Variants in POU2F1 observed in about 807,000 individuals in gnomAD.
POU2F1 encodes POU class 2 homeobox 1.
POU2F1 carries 16 observed loss-of-function variants against 84.9 expected under a neutral mutation model. The observed-to-expected ratio is 0.19, with a 90% confidence interval of 0.13 to 0.29. The LOEUF (loss-of-function observed/expected upper bound fraction) is 0.29. Ranked by LOEUF, POU2F1 falls within the 10% of genes least tolerant of loss-of-function variation. POU2F1 has a pLI of 1.00. For missense variants in POU2F1, 738 were observed against 942.6 expected (o/e 0.78, Z 2.84); for synonymous variants, 368 against 368.3 (o/e 1.00, Z 0.01).
intron 2 of POU2F1, 88 bp downstream of exon 2, chr1:167,332,623 A>C (rs1657149750): frequency 1.0e-6 from 1 of 994,634 alleles, no homozygotes; most frequent in Non-Finnish European, 1.5e-6. Flanking sequence ...GTATTTGGCA[A>C]ATACAGACCA....
At chr1:167,232,924 C>G (rs148323888) in intron 1 of POU2F1, among the ~76,000 whole-genome samples, 4 of 151,746 alleles carry the variant, frequency 2.6e-5, no homozygotes, top group African/African-American at 9.7e-5. Context: ...TTTAGTGTAG[C>G]CTAAGTATAT....
Position 167,304,444 on chromosome 1 carries a change from G to A in POU2F1, c.62-28026G>A, listed in dbSNP as rs576023044. ...AAACCTAGTTCTGTGTTCTTTCAAA[G>A]CACGTTACTAAACTGTTTAGCCTGC... On this transcript the variant is annotated intron_variant, in intron 1 of 15. Transcript: ENST00000367866. Among the ~76,000 whole-genome samples the A allele has an allele frequency of 2.6e-5, 4 of 152,256 alleles. No homozygotes were observed. The South Asian group carries it at 8.3e-4, about 32-fold the overall frequency.
intron 2 of POU2F1, among the ~76,000 whole-genome samples, chr1:167,357,827 C>CA (rs1372014583): frequency 8.5e-6 from 1 of 118,134 alleles, no homozygotes; most frequent in African/African-American, 3.3e-5. Flanking sequence ...TTTTTTGAGA[C>CA]AGAGTCTCAC....
chr1:167,360,955 T>C (rs1659317145), intron 2 of POU2F1, among the ~76,000 whole-genome samples: 1 of 152,010 alleles, frequency 6.6e-6, no homozygotes, highest in African/African-American at 2.4e-5. Flanking sequence ...TTTTATTTTA[T>C]TTTTTATTTT....
intron 1 of POU2F1, among the ~76,000 whole-genome samples, chr1:167,240,693 T>C (rs1649834310): frequency 6.6e-6 from 1 of 152,198 alleles, no homozygotes; most frequent in South Asian, 2.1e-4. Context: ...CATAAACATA[T>C]TTAATATATG....
chr1:167,408,346 G>C (rs953277785), intron 13 of POU2F1, among the ~76,000 whole-genome samples: 3 of 152,078 alleles, frequency 2.0e-5, no homozygotes, highest in Non-Finnish European at 4.4e-5. Flanking sequence ...TAAATTTACC[G>C]TCCTACCCAG....
chr1:167,416,101 A>G lies in POU2F1; in HGVS notation c.*291A>G, dbSNP rs765099139. On this transcript the variant is annotated 3_prime_UTR_variant, in exon 16 of 16. Transcript: ENST00000367866. ...TAACCAAAAATTAAAAAAAAAAAAA[A>G]AAAAAGAAACAAAAAAATCAAAAAC... 5.5e-6 allele frequency: 3 copies of G among 550,262 alleles called. No individual in the cohort carries two copies. Among genetic ancestry groups the G allele is most frequent in the Non-Finnish European group, 1.0e-5 (3 of 300,818 alleles). The allele number at this position is 550,262 out of a possible 1,614,324, so 34.1% of individuals were successfully genotyped here.
At chr1:167,397,967 A>G in intron 10 of POU2F1, 27 bp from the exon 11 acceptor site, 1 of 1,593,384 alleles carries the variant, frequency 6.3e-7, no homozygotes, top group Non-Finnish European at 8.5e-7. Context: ...AGCTAATTTT[A>G]TTTCTGTATT....
chr1:167,393,633 G>C (rs1648585604), intron 9 of POU2F1, among the ~76,000 whole-genome samples: 1 of 152,024 alleles, frequency 6.6e-6, no homozygotes, highest in Non-Finnish European at 1.5e-5. Context: ...CAAGTATCTG[G>C]GACTACAGGC....
chr1:167,329,023 C>T (rs1656896255), intron 1 of POU2F1: 2 of 1,123,030 alleles, frequency 1.8e-6, no homozygotes, highest in Non-Finnish European at 2.2e-6. Context: ...CAATGTCAGT[C>T]CTAGCTGGTA....
At chr1:167,330,231 A>G (rs1047566605) in intron 1 of POU2F1, among the ~76,000 whole-genome samples, 1 of 152,092 alleles carries the variant, frequency 6.6e-6, no homozygotes, top group Non-Finnish European at 1.5e-5. Flanking sequence ...CTTTTTTCCT[A>G]TATTGTCATT....
Position 167,415,936 on chromosome 1 carries a change from A to C in POU2F1, c.*126A>C. ...CCGTGTTGTGAGGGCAAAGGAGAGA[A>C]GGGAGAAAAAAAAAAAAAAACCACA... On this transcript the variant is annotated 3_prime_UTR_variant, in exon 16 of 16. Transcript: ENST00000367866. The C allele has an allele frequency of 2.0e-6, 1 of 495,224 alleles. No homozygotes were observed. 30.7% of individuals were successfully genotyped at this position (495,224 alleles called of 1,614,324 possible).
chr1:167,366,654 G>A (rs1381301541), intron 3 of POU2F1, among the ~76,000 whole-genome samples: 1 of 152,002 alleles, frequency 6.6e-6, no homozygotes, highest in Non-Finnish European at 1.5e-5. Context: ...ACATAGCTTC[G>A]TTTATATCTT....
intron 1 of POU2F1, among the ~76,000 whole-genome samples, chr1:167,303,896 G>C (rs996955821): frequency 2.0e-5 from 3 of 152,074 alleles, no homozygotes; most frequent in African/African-American, 7.2e-5. Context: ...TTTATTCTGT[G>C]ATGATATATC....
At chr1:167,401,097 C>T (rs534534404) in intron 12 of POU2F1, among the ~76,000 whole-genome samples, 4 of 152,202 alleles carry the variant, frequency 2.6e-5, no homozygotes, top group African/African-American at 9.6e-5. Flanking sequence ...AAACCTAAGG[C>T]AATACTGCCC....
chr1:167,419,716 A>T lies in POU2F1; in HGVS notation c.*3906A>T, dbSNP rs767881344. 3.9e-5 allele frequency: 6 copies of T among 152,186 alleles called. No homozygotes were observed. The highest frequency in any genetic ancestry group is 7.3e-5 in the Non-Finnish European group (5 of 68,036). The allele number at this position is 152,186 out of a possible 1,614,324, so 9.4% of individuals were successfully genotyped here. A position where few individuals can be genotyped will look rare whatever the true frequency, so the allele number is the denominator to read the frequency against. The stretch of plus-strand genomic sequence containing the variant: ...ATATCCATTAACTGATATAATTCAC[A>T]TGTCCTTTTATTTGTTATCAGAAAG... On this transcript the variant is annotated 3_prime_UTR_variant, in exon 16 of 16. Coordinates refer to ENST00000367866, the MANE Select transcript of POU2F1 (RefSeq NM_002697.4).
chr1:167,284,962 C>T (rs1316217672), intron 1 of POU2F1, among the ~76,000 whole-genome samples: 1 of 152,142 alleles, frequency 6.6e-6, no homozygotes. Context: ...GCTATCTATA[C>T]TCGATTCATT....
Position 167,374,306 on chromosome 1 carries a change from G to T in POU2F1, c.591+10G>T, listed in dbSNP as rs1406888537. 2 of 1,556,426 alleles carry T rather than the reference G, an allele frequency of 1.3e-6. No individual in the cohort carries two copies. The highest frequency in any genetic ancestry group is 2.3e-5 in the East Asian group (1 of 44,016). ...CATACAGATCGCACAGGTGAGTGAG[G>T]AACTCCAATAGCTGGGGCAGCAAGT... On this transcript the variant is annotated intron_variant, in intron 6 of 15. Coordinates refer to ENST00000367866, the MANE Select transcript of POU2F1 (RefSeq NM_002697.4).
intron 1 of POU2F1, among the ~76,000 whole-genome samples, chr1:167,321,487 C>G (rs898430295): frequency 6.6e-6 from 1 of 152,152 alleles, no homozygotes; most frequent in African/African-American, 2.4e-5. Flanking sequence ...ATTAATGGCC[C>G]TAAGATCTGT....
Sources: gnomAD v4.1 joint callset for allele counts (sites outside exome capture counted in the v4.1 genomes callset) on GRCh38, gnomAD v4.1.1 for gene constraint, MANE v1.5 for transcripts, NCBI Gene and HGNC (gene_info 2026-07-23, HGNC 2026-07-21) for gene names.